Variants in PCDH15 observed in about 807,000 individuals in gnomAD.
The protein encoded by PCDH15 is protocadherin-15.
A neutral mutation model predicts 178.5 loss-of-function variants in PCDH15; 129 were observed. The ratio of observed to expected loss-of-function variants is 0.72; its 90% CI spans 0.63 to 0.84. The LOEUF is 0.84. Ranked by LOEUF, PCDH15 falls within the 40% of genes least tolerant of loss-of-function variation. The probability of loss-of-function intolerance (pLI) is 0.00; values close to 1 mark genes in which losing one functional copy is unlikely to be tolerated. For synonymous variants in PCDH15, 800 were observed against 732.0 expected, an observed-to-expected ratio of 1.09 and a Z score of -1.50; for missense variants, 2,230 against 2,099.9, an observed-to-expected ratio of 1.06 and a Z score of -1.21.
intron 2 of PCDH15, among the ~76,000 whole-genome samples, chr10:54,560,974 G>C (rs543798470): frequency 2.0e-5 from 3 of 152,166 alleles, no homozygotes; most frequent in South Asian, 4.1e-4. Context: ...TTTTGAATAA[G>C]CATCTGTGTA....
intron 26 of PCDH15, among the ~76,000 whole-genome samples, chr10:53,887,631 G>A (rs927121583): frequency 1.3e-5 from 2 of 152,186 alleles, no homozygotes; most frequent in Non-Finnish European, 2.9e-5. Flanking sequence ...GCTCACGCCT[G>A]TAATCCCAGC....
intron 2 of PCDH15, among the ~76,000 whole-genome samples, chr10:54,534,134 A>G (rs544012498): frequency 6.6e-6 from 1 of 152,246 alleles, no homozygotes; most frequent in South Asian, 2.1e-4. Flanking sequence ...TGCTTTTATT[A>G]GTATCCTTAT....
intron 3 of PCDH15, among the ~76,000 whole-genome samples, chr10:54,847,173 A>C (rs1421433781): frequency 1.3e-5 from 2 of 152,124 alleles, no homozygotes; most frequent in Non-Finnish European, 2.9e-5. Context: ...GACCTTCATG[A>C]TTCATAATCA....
intron 1 of PCDH15, among the ~76,000 whole-genome samples, chr10:54,748,516 A>G (rs1945773472): frequency 6.6e-6 from 1 of 152,152 alleles, no homozygotes; most frequent in Non-Finnish European, 1.5e-5. Flanking sequence ...TCCATACCCC[A>G]TGTGTCCCCA....
At chr10:54,659,943 G>A (rs1016401173) in intron 2 of PCDH15, among the ~76,000 whole-genome samples, 13 of 152,010 alleles carry the variant, frequency 8.6e-5, no homozygotes, top group Non-Finnish European at 1.3e-4. Context: ...GCAGTGTTAA[G>A]AGGAAAGTTT....
intron 2 of PCDH15, among the ~76,000 whole-genome samples, chr10:55,440,148 C>A (rs1451551927): frequency 6.6e-6 from 1 of 151,858 alleles, no homozygotes; most frequent in Non-Finnish European, 1.5e-5. Context: ...CAAATGTGAA[C>A]AAAAAATAAA....
At chr10:54,300,658 G>A (rs949978365) in intron 8 of PCDH15, among the ~76,000 whole-genome samples, 1 of 152,158 alleles carries the variant, frequency 6.6e-6, no homozygotes, top group Admixed American at 6.6e-5. Flanking sequence ...TCGGATGGGG[G>A]CTTGGAGAAC....
At chr10:54,579,066 C>T (rs978554455) in intron 2 of PCDH15, among the ~76,000 whole-genome samples, 2 of 151,974 alleles carry the variant, frequency 1.3e-5, no homozygotes, top group Non-Finnish European at 2.9e-5. Flanking sequence ...AGTCTGCAGA[C>T]CCTATAAAGC....
intron 2 of PCDH15, among the ~76,000 whole-genome samples, chr10:55,164,738 T>C (rs1839153547): frequency 6.6e-6 from 1 of 152,104 alleles, no homozygotes; most frequent in Non-Finnish European, 1.5e-5. Flanking sequence ...TAAAGATGTC[T>C]TATGTTTTTC....
chr10:54,085,456 A>G (rs1342697032), intron 16 of PCDH15, among the ~76,000 whole-genome samples: 1 of 152,182 alleles, frequency 6.6e-6, no homozygotes, highest in African/African-American at 2.4e-5. Flanking sequence ...CTATACCATT[A>G]GGCCATCATA....
intron 1 of PCDH15, among the ~76,000 whole-genome samples, chr10:54,708,842 T>A (rs58286973): frequency 3.9e-5 from 6 of 151,926 alleles, no homozygotes. Flanking sequence ...TTGGCATGCT[T>A]AAATAGATTT....
chr10:54,400,015 AC>A (rs1352616490), intron 3 of PCDH15, among the ~76,000 whole-genome samples: 1 of 152,076 alleles, frequency 6.6e-6, no homozygotes, highest in Non-Finnish European at 1.5e-5. Flanking sequence ...AGTTGAAGAA[AC>A]AGAGATGAAT....
chr10:55,508,079 T>C (rs1840800749), intron 2 of PCDH15, among the ~76,000 whole-genome samples: 1 of 151,692 alleles, frequency 6.6e-6, no homozygotes, highest in Non-Finnish European at 1.5e-5. Flanking sequence ...TAGGATTTTA[T>C]TTTTTGAAAA....
rs183057483 is a variant in PCDH15, at chr10:54,627,088, C to T, written c.91+37084G>A. 4.2e-3 allele frequency among the ~76,000 whole-genome samples: 636 copies of T among 152,270 alleles called. 2 individuals carry two copies. The highest frequency in any genetic ancestry group is 0.015 in the African/African-American group (610 of 41,566). On this transcript the variant is annotated intron_variant, in intron 2 of 37. Coordinates refer to ENST00000644397, the MANE Select transcript of PCDH15 (RefSeq NM_001384140.1). Reference sequence around the variant, plus strand: ...ATTTGGAATGGCTGTATTTTCCCAACGACTGTATCTGCATTGTATCTAGGA... The same window carrying T: ...ATTTGGAATGGCTGTATTTTCCCAATGACTGTATCTGCATTGTATCTAGGA...
intron 2 of PCDH15, among the ~76,000 whole-genome samples, chr10:55,524,854 C>A (rs56238668): frequency 0.012 from 1,849 of 151,736 alleles, 39 homozygotes; most frequent in African/African-American, 0.041. Context: ...ATTTAAACAT[C>A]AATTAAGGCA....
intron 2 of PCDH15, among the ~76,000 whole-genome samples, chr10:54,660,873 C>A (rs1285381247): frequency 6.6e-6 from 1 of 151,962 alleles, no homozygotes; most frequent in East Asian, 1.9e-4. Flanking sequence ...ATGATCATCT[C>A]AATACCTGCA....
At chr10:55,101,078 G>A (rs946981116) in intron 2 of PCDH15, among the ~76,000 whole-genome samples, 1 of 151,726 alleles carries the variant, frequency 6.6e-6, no homozygotes, top group Non-Finnish European at 1.5e-5. Context: ...TCATATAATG[G>A]GATTAAAATA....
At chr10:55,442,485 A>ATATATATATATTATATATATATAT (rs1554869646) in intron 2 of PCDH15, among the ~76,000 whole-genome samples, 63 of 91,742 alleles carry the variant, frequency 6.9e-4, no homozygotes, top group African/African-American at 1.6e-3. Context: ...TATATATTAT[A>ATATATATATATTATATATATATAT]TATATATATA....
At chr10:54,430,230 A>G (rs1192688381) in intron 3 of PCDH15, among the ~76,000 whole-genome samples, 6 of 151,562 alleles carry the variant, frequency 4.0e-5, no homozygotes, top group Middle Eastern at 3.2e-3. Flanking sequence ...TAATTTTTGT[A>G]TTTTTAGTAG....
Sources: allele counts gnomAD v4.1 joint callset (sites outside exome capture counted in the v4.1 genomes callset), GRCh38; gene constraint gnomAD v4.1.1; transcripts MANE v1.5; gene names NCBI Gene and HGNC (gene_info 2026-07-23, HGNC 2026-07-21).